The following NEDD4 variants were observed in gnomAD, a reference collection of about 807,000 sequenced individuals.
NEDD4 encodes E3 ubiquitin-protein ligase NEDD4.
In NEDD4, 99 loss-of-function variants were observed where a neutral mutation model predicts 144.9. That is an observed-to-expected ratio of 0.68 (90% CI 0.58 to 0.81). NEDD4 has a LOEUF of 0.81. Among genes scored for constraint, NEDD4 ranks in the 30% least tolerant of loss-of-function variants. The pLI, the probability that NEDD4 is intolerant of heterozygous loss-of-function variation, is 0.00. For missense variants in NEDD4, 985 were observed against 1,065.9 expected, an observed-to-expected ratio of 0.92 and a Z score of 1.06; for synonymous variants, 318 against 350.6, an observed-to-expected ratio of 0.91 and a Z score of 1.04.
At position 55,872,395 on chromosome 15, in the gene NEDD4, A is replaced by T; in HGVS notation, c.404+20T>A. On this transcript the variant is annotated intron_variant, in intron 7 of 28. Coordinates refer to ENST00000435532, the MANE Select transcript of NEDD4 (RefSeq NM_006154.4). The stretch of plus-strand genomic sequence containing the variant: ...GAGATAAAAAATTTAATATGCTATT[A>T]TTATTTTATATTTACTGACCTTCTT... 8.2e-7 allele frequency: 1 copy of T among 1,226,694 alleles called. No individual in the cohort carries two copies. The highest frequency in any genetic ancestry group is 1.6e-5 in the African/African-American group (1 of 64,422). 76.0% of individuals were successfully genotyped at this position (1,226,694 alleles called of 1,614,324 possible).
At chr15:55,952,662 T>C (rs1480822266) in intron 2 of NEDD4, 1 of 152,250 alleles carries the variant, frequency 6.6e-6, no homozygotes, top group Admixed American at 6.6e-5. Context: ...ACCCCTAACC[T>C]AGTGAGTCAG....
At chr15:55,942,440 T>G (rs886500908) in intron 4 of NEDD4, among the ~76,000 whole-genome samples, 1 of 152,198 alleles carries the variant, frequency 6.6e-6, no homozygotes, top group East Asian at 1.9e-4. Context: ...GGAGGCAGAC[T>G]TCCCCCTTGC....
intron 12 of NEDD4, among the ~76,000 whole-genome samples, chr15:55,855,130 G>A (rs2034140433): frequency 1.3e-5 from 2 of 152,134 alleles, no homozygotes; most frequent in South Asian, 2.1e-4. Context: ...ATAGGTGGGC[G>A]ACCTCTCATT....
intron 1 of NEDD4, among the ~76,000 whole-genome samples, chr15:55,992,841 ATAAAG>A (rs1265320653): frequency 6.6e-6 from 1 of 152,214 alleles, no homozygotes; most frequent in Non-Finnish European, 1.5e-5. Flanking sequence ...TAACTTCTTT[ATAAAG>A]TATTTATACT....
chr15:55,840,038 ATAT>A (rs1566901326), intron 21 of NEDD4, among the ~76,000 whole-genome samples: 111 of 93,864 alleles, frequency 1.2e-3, no homozygotes, highest in Non-Finnish European at 2.0e-3. Flanking sequence ...ATATATATAT[ATAT>A]AACATTCATC....
chr15:55,966,545 T>A lies in NEDD4; in HGVS notation c.47A>T (p.Glu16Val). The change falls in exon 2 of 29, where the codon GAA becomes GTA. Residue 16 changes from glutamate (E) to valine (V), a missense_variant and splice_region_variant. By Grantham distance (121) the Glu-to-Val change is moderately radical. Transcript: ENST00000435532. ...TCTTACTCTCACAATTCGTGAATTT[T>A]CCTAAAATACAAAAATTTAGATTTC... The part of the protein sequence containing the change: ...VEVFGLLEDE[E>V]NSRIVRVRVI... The A allele has an allele frequency of 4.0e-6, 6 of 1,510,902 alleles. No homozygotes were observed. The highest frequency in any genetic ancestry group is 4.4e-6 in the Non-Finnish European group (5 of 1,129,942). 93.6% of individuals were successfully genotyped at this position (1,510,902 alleles called of 1,614,324 possible).
In NEDD4 at chr15:55,829,863, G is replaced by A. The variant is rs780687878; in HGVS notation, c.*34C>T. The A allele has an allele frequency of 2.6e-6, 4 of 1,513,826 alleles. No homozygotes were observed. Among genetic ancestry groups the A allele is most frequent in the Non-Finnish European group, 3.6e-6 (4 of 1,104,524 alleles). The allele number at this position is 1,513,826 out of a possible 1,614,324, so 93.8% of individuals were successfully genotyped here. Reference sequence around the variant, plus strand: ...GTCAAGATTTTGGTTATAAAACTATGGCAGTAAAAACACTACAGATTGTTA... The same window carrying A: ...GTCAAGATTTTGGTTATAAAACTATAGCAGTAAAAACACTACAGATTGTTA... On this transcript the variant is annotated 3_prime_UTR_variant, in exon 29 of 29. Coordinates refer to ENST00000435532, the MANE Select transcript of NEDD4 (RefSeq NM_006154.4).
At chr15:55,972,053 T>C (rs1018651681) in intron 1 of NEDD4, among the ~76,000 whole-genome samples, 8 of 152,020 alleles carry the variant, frequency 5.3e-5, no homozygotes, top group African/African-American at 1.9e-4. Context: ...AAAGGAGAAA[T>C]AAAGACTTTC....
At chr15:55,981,181 T>G (rs184611183) in intron 1 of NEDD4, among the ~76,000 whole-genome samples, 141 of 152,168 alleles carry the variant, frequency 9.3e-4, no homozygotes, top group African/African-American at 3.3e-3. Flanking sequence ...TAGCTGAGAC[T>G]ACAGGTGCCC....
intron 1 of NEDD4, chr15:55,988,124 C>G (rs2037924398): frequency 7.0e-6 from 1 of 143,468 alleles, no homozygotes; most frequent in East Asian, 2.1e-4. Flanking sequence ...CACATATACA[C>G]CATGGAATAC....
intron 8 of NEDD4, among the ~76,000 whole-genome samples, chr15:55,868,482 G>C (rs1212565989): frequency 1.3e-5 from 2 of 152,174 alleles, no homozygotes; most frequent in East Asian, 3.9e-4. Flanking sequence ...TCATGAGAGT[G>C]AGTTTTTCCG....
chr15:55,916,671 C>A (rs768458263), intron 5 of NEDD4: 1 of 1,614,036 alleles, frequency 6.2e-7, no homozygotes, highest in Non-Finnish European at 8.5e-7. Context: ...TGCAGTCTGT[C>A]TGGGAGTCAG....
intron 1 of NEDD4, among the ~76,000 whole-genome samples, chr15:55,985,457 T>C (rs1595890371): frequency 1.3e-5 from 2 of 152,076 alleles, no homozygotes; most frequent in Admixed American, 6.5e-5. Flanking sequence ...GCATAGAGAA[T>C]AGCAATATTC....
At chr15:55,840,571 A>C in intron 20 of NEDD4, 35 bp downstream of exon 20, 1 of 1,613,516 alleles carries the variant, frequency 6.2e-7, no homozygotes, top group South Asian at 1.1e-5. Context: ...GAAAACAGGT[A>C]ATTATATTGT....
At position 55,873,481 on chromosome 15, in the gene NEDD4, A is replaced by ACTTCTTGCTTCTTTACT. The variant is rs1203648312; in HGVS notation, c.342+476_342+477insAGTAAAGAAGCAAGAAG. Among the ~76,000 whole-genome samples the ACTTCTTGCTTCTTTACT allele has an allele frequency of 2.4e-3, 358 of 152,262 alleles. 2 individuals are homozygous for ACTTCTTGCTTCTTTACT. Among genetic ancestry groups the ACTTCTTGCTTCTTTACT allele is most frequent in the African/African-American group, 8.2e-3 (341 of 41,560 alleles). On this transcript the variant is annotated intron_variant, in intron 6 of 28. Coordinates refer to ENST00000435532, the MANE Select transcript of NEDD4 (RefSeq NM_006154.4). ...TTATCTTCCAAGTTCAACTTGTATT[A>ACTTCTTGCTTCTTTACT]TCTTTACTTCTTGCTTATTTTCTTA...
chr15:55,936,069 G>A (rs1235830611), intron 4 of NEDD4, among the ~76,000 whole-genome samples: 1 of 151,964 alleles, frequency 6.6e-6, no homozygotes, highest in South Asian at 2.1e-4. Flanking sequence ...TATTGTGAAG[G>A]CAGTTTTCAT....
At chr15:55,974,080 A>C (rs2142343244) in intron 1 of NEDD4, among the ~76,000 whole-genome samples, 1 of 152,292 alleles carries the variant, frequency 6.6e-6, no homozygotes, top group Non-Finnish European at 1.5e-5. Context: ...CAGATGAAAA[A>C]GGAGACATTA....
At chr15:55,981,880 C>G (rs563184943) in intron 1 of NEDD4, among the ~76,000 whole-genome samples, 3 of 152,270 alleles carry the variant, frequency 2.0e-5, no homozygotes, top group African/African-American at 7.2e-5. Context: ...CTGCAGTTAA[C>G]GTGGTTATGG....
At chr15:55,931,570 G>A (rs1256052937) in intron 4 of NEDD4, among the ~76,000 whole-genome samples, 3 of 152,088 alleles carry the variant, frequency 2.0e-5, no homozygotes, top group Admixed American at 6.6e-5. Context: ...AACTATGTTA[G>A]TCTATAAATG....
Sources: allele counts gnomAD v4.1 joint callset (sites outside exome capture counted in the v4.1 genomes callset), GRCh38; gene constraint gnomAD v4.1.1; transcripts MANE v1.5; gene names NCBI Gene and HGNC (gene_info 2026-07-23, HGNC 2026-07-21).